MAP2K5: variants seen among roughly 807,000 people sequenced by gnomAD.
MAP2K5 encodes mitogen-activated protein kinase kinase 5, also known as dual specificity mitogen-activated protein kinase kinase 5.
In MAP2K5, 49 loss-of-function variants were observed where a neutral mutation model predicts 83.1. The ratio of observed to expected loss-of-function variants is 0.59; its 90% CI spans 0.47 to 0.75. MAP2K5 has a LOEUF of 0.75. Ranked by LOEUF, MAP2K5 falls within the 30% of genes least tolerant of loss-of-function variation. The probability of loss-of-function intolerance (pLI) is 0.00; values close to 1 mark genes in which losing one functional copy is unlikely to be tolerated. For missense variants in MAP2K5, 457 were observed against 557.5 expected (o/e 0.82, Z 1.82); for synonymous variants, 202 against 191.8 (o/e 1.05, Z -0.44).
At chr15:67,689,444 G>A (rs1254362071) in intron 13 of MAP2K5, among the ~76,000 whole-genome samples, 1 of 152,164 alleles carries the variant, frequency 6.6e-6, no homozygotes, top group African/African-American at 2.4e-5. Context: ...GGGGTGGGAA[G>A]GAGATAATGA....
intron 7 of MAP2K5, among the ~76,000 whole-genome samples, chr15:67,599,624 T>C (rs1003154111): frequency 3.3e-5 from 5 of 151,922 alleles, no homozygotes; most frequent in African/African-American, 1.2e-4. Flanking sequence ...CCAAGTGATA[T>C]TGAATTAAAA....
chr15:67,693,544 T>C lies in MAP2K5; in HGVS notation c.948T>C (p.Tyr316=). 2 of 1,612,264 alleles carry C rather than the reference T, an allele frequency of 1.2e-6. No homozygotes were observed. Among genetic ancestry groups the C allele is most frequent in the South Asian group, 1.1e-5 (1 of 90,924 alleles). Residue 316 remains tyrosine, a synonymous_variant, in exon 15 of 22, where the codon TAT becomes TAC. Transcript: ENST00000178640. The part of the protein sequence containing the change: ...TQLVNSIAKT[Y]VGTNAYMAPE... ...TGGTGAATTCTATAGCCAAGACGTA[T>C]GTTGGAACAAATGCTTATATGGCGG...
intron 21 of MAP2K5, among the ~76,000 whole-genome samples, chr15:67,797,293 C>G (rs1412701611): frequency 6.6e-6 from 1 of 152,200 alleles, no homozygotes; most frequent in Non-Finnish European, 1.5e-5. Context: ...TTGCCAGTTA[C>G]TCCTCATTGT....
At chr15:67,681,437 G>A (rs1237777723) in intron 13 of MAP2K5, among the ~76,000 whole-genome samples, 1 of 152,168 alleles carries the variant, frequency 6.6e-6, no homozygotes, top group East Asian at 1.9e-4. Context: ...ACCTTCCAGG[G>A]CATCACTCTG....
intron 5 of MAP2K5, 143 bp from the exon 6 acceptor site, chr15:67,586,703 T>C: frequency 1.3e-6 from 1 of 746,380 alleles, no homozygotes; most frequent in Non-Finnish European, 2.4e-6. Flanking sequence ...ACCTATATAC[T>C]GAATAGACTC....
rs1376850405 is a variant in MAP2K5 at position 67,586,960 on chromosome 15, G to A, written c.431+47G>A. On this transcript the variant is annotated intron_variant, in intron 6 of 21. Coordinates refer to ENST00000178640, the MANE Select transcript of MAP2K5 (RefSeq NM_145160.3). Reference sequence around the variant, plus strand: ...GTGCCCTTGATGTGATTTATCTACAGAGTTGGGGTGGGGTGGGGAAGAAGC... The same window carrying A: ...GTGCCCTTGATGTGATTTATCTACAAAGTTGGGGTGGGGTGGGGAAGAAGC... The A allele has an allele frequency of 3.1e-6, 5 of 1,593,258 alleles. No individual in the cohort carries two copies. In the African/African-American group the frequency reaches 4.0e-5, roughly 13 times the overall value.
At chr15:67,740,897 A>C (rs2089475732) in intron 17 of MAP2K5, among the ~76,000 whole-genome samples, 1 of 152,080 alleles carries the variant, frequency 6.6e-6, no homozygotes, top group Non-Finnish European at 1.5e-5. Context: ...ACATGGTGGC[A>C]TGCATCTGTA....
At chr15:67,692,579 T>C (rs760096969) in intron 14 of MAP2K5, 27 bp downstream of exon 14, 50 of 1,555,216 alleles carry the variant, frequency 3.2e-5, no homozygotes, top group Non-Finnish European at 4.3e-5. Flanking sequence ...CCCAGTGTAC[T>C]GTTTTCTCTG....
intron 9 of MAP2K5, among the ~76,000 whole-genome samples, chr15:67,634,252 C>A (rs1362274122): frequency 6.6e-6 from 1 of 150,530 alleles, no homozygotes; most frequent in East Asian, 1.9e-4. Context: ...GCCTGTAGTC[C>A]CAGCTACTTG....
intron 8 of MAP2K5, among the ~76,000 whole-genome samples, chr15:67,622,836 C>T (rs1390926206): frequency 2.6e-5 from 4 of 152,160 alleles, no homozygotes; most frequent in East Asian, 1.9e-4. Context: ...TGGTGGCTTA[C>T]GCCTGTAATC....
chr15:67,724,700 T>C lies in MAP2K5; in HGVS notation c.1045-3216T>C, dbSNP rs1041204862. Among the ~76,000 whole-genome samples, 1 of 152,176 alleles carries C rather than the reference T, an allele frequency of 6.6e-6. No individual in the cohort carries two copies. Among genetic ancestry groups the C allele is most frequent in the African/African-American group, 2.4e-5 (1 of 41,440 alleles). ...TCCTTCTACTTTTCTATAAGACAAA[T>C]AGTGTGGAACATAAACACTGTAGCT... On this transcript the variant is annotated intron_variant, in intron 16 of 21. Transcript: ENST00000178640. This position sits in a 1 kb window ranked among gnomAD's most constrained non-coding sequence, Gnocchi z 4.4.
In MAP2K5 at chr15:67,683,605, T is replaced by C. The variant is rs866607993; in HGVS notation, c.848-8874T>C. On this transcript the variant is annotated intron_variant, in intron 13 of 21. Transcript: ENST00000178640. ...GGCGAAACCCCATCACTACTAAAAG[T>C]ACAAAAATTAACTGGGCTTGTTGGT... Among the ~76,000 whole-genome samples, 53 of 151,914 alleles carry C rather than the reference T, an allele frequency of 3.5e-4. 1 individual carries two copies. Among genetic ancestry groups the C allele is most frequent in the Middle Eastern group, 6.8e-3 (2 of 294 alleles).
intron 21 of MAP2K5, among the ~76,000 whole-genome samples, chr15:67,789,669 C>T (rs1031202509): frequency 1.3e-5 from 2 of 151,324 alleles, no homozygotes; most frequent in South Asian, 2.1e-4. Context: ...GAGCCGAGAT[C>T]GCACCATTGC....
chr15:67,543,343 GGC>G lies in MAP2K5; in HGVS notation c.9_10del (p.Trp3CysfsTer23), dbSNP rs555693599. ...GAGCCTCTTTAACCTGTAATGCTGT[GGC>G]TAGCCCTTGGCCCCTTTCCTGCCAT... On this transcript the variant is annotated frameshift_variant, in exon 1 of 22. Coordinates refer to ENST00000178640, the MANE Select transcript of MAP2K5 (RefSeq NM_145160.3). LOFTEE classifies it high-confidence loss of function. This position sits in a 1 kb window ranked among gnomAD's most constrained non-coding sequence, Gnocchi z 4.3. 2.5e-6 allele frequency: 4 copies of G among 1,614,070 alleles called. No individual in the cohort carries two copies. The highest frequency in any genetic ancestry group is 3.4e-6 in the Non-Finnish European group (4 of 1,180,044).
Position 67,781,017 on chromosome 15 carries a change from G to C in MAP2K5, c.1242+8265G>C, listed in dbSNP as rs2090320520. ...TGGCTAGCACCATCTTTGCCTGTTA[G>C]ATTGATGACAGGGGACCCGAAGGTT... On this transcript the variant is annotated intron_variant, in intron 21 of 21. Transcript: ENST00000178640. The surrounding 1 kb of genome is among the most constrained non-coding windows in gnomAD (Gnocchi z 4.0). Among the ~76,000 whole-genome samples, 1 of 152,234 alleles carries C rather than the reference G, an allele frequency of 6.6e-6. No individual in the cohort carries two copies. The highest frequency in any genetic ancestry group is 2.1e-4 in the South Asian group (1 of 4,830).
intron 17 of MAP2K5, among the ~76,000 whole-genome samples, chr15:67,730,592 C>T (rs1056622326): frequency 1.3e-5 from 2 of 152,212 alleles, no homozygotes; most frequent in Non-Finnish European, 2.9e-5. Flanking sequence ...AAAGCATCCA[C>T]AGGGTCAAAG....
chr15:67,543,381 G>A lies in MAP2K5; in HGVS notation c.46G>A (p.Val16Met). Reference protein sequence around the residue: ...LGPFPAMENQVLVIRIKIPNS... With the variant: ...LGPFPAMENQMLVIRIKIPNS... ...CCCCTTTCCTGCCATGGAGAACCAG[G>A]TGCTGGTAATTCGCATCAAGATCCC... Residue 16 changes from valine (V) to methionine (M), a missense_variant, in exon 1 of 22, where the codon GTG becomes ATG. Around this residue, in one of 3 missense-constraint regions of MAP2K5, gnomAD observed 234 missense variants for 243.6 expected, o/e 0.96. Coordinates refer to ENST00000178640, the MANE Select transcript of MAP2K5 (RefSeq NM_145160.3). This position sits in a 1 kb window ranked among gnomAD's most constrained non-coding sequence, Gnocchi z 4.3. The A allele has an allele frequency of 6.2e-7, 1 of 1,614,196 alleles. No individual in the cohort carries two copies. Among genetic ancestry groups the A allele is most frequent in the Non-Finnish European group, 8.5e-7 (1 of 1,180,040 alleles).
In MAP2K5 at chr15:67,630,899, T is replaced by G; in HGVS notation, c.557T>G (p.Val186Gly). Reference sequence around the variant, plus strand: ...TTTTCTTCCCATAGAGCATATCATGTCCCGAGTGGGAAAATATTAGCTGTA... The same window carrying G: ...TTTTCTTCCCATAGAGCATATCATGGCCCGAGTGGGAAAATATTAGCTGTA... The part of the protein sequence containing the change: ...NGGTVYKAYH[V>G]PSGKILAVKV... The change falls in exon 9 of 22, where the codon GTC becomes GGC. Residue 186 changes from valine (V) to glycine (G), a missense_variant. Physicochemically the swap from Val to Gly is moderately radical, Grantham distance 109. This residue lies in a region of MAP2K5 where 234 missense variants were observed against 243.6 expected (regional missense o/e 0.96). Coordinates refer to ENST00000178640, the MANE Select transcript of MAP2K5 (RefSeq NM_145160.3). 6.2e-7 allele frequency: 1 copy of G among 1,610,570 alleles called. No homozygotes were observed. Among genetic ancestry groups the G allele is most frequent in the Non-Finnish European group, 8.5e-7 (1 of 1,178,016 alleles).
chr15:67,705,921 G>C (rs2088541059), intron 16 of MAP2K5, among the ~76,000 whole-genome samples: 1 of 152,146 alleles, frequency 6.6e-6, no homozygotes, highest in South Asian at 2.1e-4. Flanking sequence ...GAGTTAACAA[G>C]GGGAAAAGTG....
Sources: gnomAD v4.1 joint callset for allele counts (sites outside exome capture counted in the v4.1 genomes callset) on GRCh38, gnomAD v4.1.1 for gene constraint, gnomAD v4.1.1 regional missense constraint, Gnocchi (gnomAD v3.1) non-coding constraint, MANE v1.5 for transcripts, NCBI Gene and HGNC (gene_info 2026-07-23, HGNC 2026-07-21) for gene names.